HS3ST5: variants seen among roughly 807,000 people sequenced by gnomAD.
HS3ST5 encodes the protein heparan sulfate-glucosamine 3-sulfotransferase 5, also known as heparan sulfate glucosamine 3-O-sulfotransferase 5.
HS3ST5 carries 10 observed loss-of-function variants against 25.4 expected under a neutral mutation model. The ratio of observed to expected loss-of-function variants is 0.39; its 90% CI spans 0.24 to 0.67. The LOEUF (loss-of-function observed/expected upper bound fraction) is 0.67. Among genes scored for constraint, HS3ST5 ranks in the 30% least tolerant of loss-of-function variants. The pLI, the probability that HS3ST5 is intolerant of heterozygous loss-of-function variation, is 0.44. For missense variants in HS3ST5, 324 were observed against 420.7 expected (o/e 0.77, Z 2.01); for synonymous variants, 170 against 162.4 (o/e 1.05, Z -0.36).
chr6:114,156,220 A>T (rs1778691457), intron 3 of HS3ST5, among the ~76,000 whole-genome samples: 3 of 152,190 alleles, frequency 2.0e-5, no homozygotes, highest in African/African-American at 4.8e-5. Flanking sequence ...AAATTAACAA[A>T]AAATCTCCAA....
rs751313591 is a variant in HS3ST5 at position 114,058,103 on chromosome 6, A to G, written c.195T>C (p.Arg65=). 7 of 1,614,164 alleles carry G rather than the reference A, an allele frequency of 4.3e-6. No individual in the cohort carries two copies. The highest frequency in any genetic ancestry group is 5.9e-6 in the Non-Finnish European group (7 of 1,180,014). ...CCTTCCGGAACTCGTGCAGCAGGCC[A>G]CGCTTAAACTGCAGGGCGCGAAGTG... The part of the protein sequence containing the change: ...EFPLRALQFK[R]GLLHEFRKGN... Residue 65 remains arginine, a synonymous_variant, in exon 5 of 5, where the codon CGT becomes CGC. Transcript: ENST00000312719.
At chr6:114,134,075 A>C (rs1290908655) in intron 3 of HS3ST5, among the ~76,000 whole-genome samples, 1 of 152,146 alleles carries the variant, frequency 6.6e-6, no homozygotes, top group Non-Finnish European at 1.5e-5. Context: ...ATTTAAAACA[A>C]TTCAAGTTTG....
intron 3 of HS3ST5, among the ~76,000 whole-genome samples, chr6:114,074,732 T>C (rs950079891): frequency 6.6e-6 from 1 of 152,170 alleles, no homozygotes; most frequent in African/African-American, 2.4e-5. Context: ...TACTGAGATA[T>C]TATTCTTAAG....
In HS3ST5 at chr6:114,184,054, C is replaced by CTTTTT. The variant is rs34370810; in HGVS notation, c.-144-15597_-144-15593dup. On this transcript the variant is annotated intron_variant, in intron 2 of 4. Transcript: ENST00000312719. ...AGAAGATTTCTTTTCTTTTTCCTTT[C>CTTTTT]TTTTTTTTTTTTTTTTTTTTTTTTT... Among the ~76,000 whole-genome samples the CTTTTT allele has an allele frequency of 1.3e-3, 103 of 78,742 alleles. 1 individual carries two copies. Among genetic ancestry groups the CTTTTT allele is most frequent in the Non-Finnish European group, 1.6e-3 (73 of 44,678 alleles). The allele number at this position is 78,742 out of a possible 152,430, so 51.7% of individuals were successfully genotyped here. A position where few individuals can be genotyped will look rare whatever the true frequency, so the allele number is the denominator to read the frequency against.
intron 3 of HS3ST5, among the ~76,000 whole-genome samples, chr6:114,114,849 A>C (rs1392417098): frequency 3.3e-5 from 5 of 152,130 alleles, no homozygotes; most frequent in African/African-American, 4.8e-5. Context: ...AGTCATAGGA[A>C]AATGCACTCT....
chr6:114,272,870 A>T (rs1773693590), intron 1 of HS3ST5, among the ~76,000 whole-genome samples: 2 of 152,096 alleles, frequency 1.3e-5, no homozygotes, highest in South Asian at 4.1e-4. Flanking sequence ...CACAAAGTGG[A>T]CAGTGTCTGA....
At chr6:114,087,988 C>CA (rs1209823631) in intron 3 of HS3ST5, among the ~76,000 whole-genome samples, 1 of 151,986 alleles carries the variant, frequency 6.6e-6, no homozygotes, top group Non-Finnish European at 1.5e-5. Flanking sequence ...TTGAGATGTA[C>CA]CAAAAGTGTT....
intron 1 of HS3ST5, among the ~76,000 whole-genome samples, chr6:114,335,860 G>A (rs1179078634): frequency 6.6e-6 from 1 of 151,984 alleles, no homozygotes; most frequent in Non-Finnish European, 1.5e-5. Flanking sequence ...CACCATGTTG[G>A]CCAGGATGGT....
At chr6:114,193,780 C>T (rs1335185042) in intron 2 of HS3ST5, among the ~76,000 whole-genome samples, 1 of 141,304 alleles carries the variant, frequency 7.1e-6, no homozygotes, top group East Asian at 1.9e-4. Flanking sequence ...GAAATTTCCT[C>T]CACATGTGTC....
Position 114,202,079 on chromosome 6 carries a change from C to T in HS3ST5, c.-145+26506G>A, listed in dbSNP as rs548196712. Among the ~76,000 whole-genome samples, 38 of 152,142 alleles carry T rather than the reference C, an allele frequency of 2.5e-4. No homozygotes were observed. The South Asian group carries it at 7.9e-3, about 32-fold the overall frequency. On this transcript the variant is annotated intron_variant, in intron 2 of 4. Coordinates refer to ENST00000312719, the MANE Select transcript of HS3ST5 (RefSeq NM_153612.4). ...ACAGCCAAATCACATCAGAGGCTAT[C>T]TTGACCACCCTATTTAAAACTGCAA...
rs952778711 is a variant in HS3ST5, at chr6:114,291,988, G to A, written c.-339+50207C>T. ...AAAGAGCAAATCTCCATAGGACATAGACAGGAAAACTAGCTAATATGGTTT... is the reference window on the plus strand; with the variant it reads ...AAAGAGCAAATCTCCATAGGACATAAACAGGAAAACTAGCTAATATGGTTT... On this transcript the variant is annotated intron_variant, in intron 1 of 4. Coordinates refer to ENST00000312719, the MANE Select transcript of HS3ST5 (RefSeq NM_153612.4). 2.6e-5 allele frequency among the ~76,000 whole-genome samples: 4 copies of A among 152,150 alleles called. No homozygotes were observed. In the South Asian group the frequency reaches 8.3e-4, roughly 31 times the overall value.
chr6:114,086,872 A>G (rs1323806817), intron 3 of HS3ST5, among the ~76,000 whole-genome samples: 1 of 152,202 alleles, frequency 6.6e-6, no homozygotes, highest in African/African-American at 2.4e-5. Context: ...TGAGTTTGCT[A>G]TTGGCAAGCA....
intron 1 of HS3ST5, among the ~76,000 whole-genome samples, chr6:114,257,030 C>A (rs1036865747): frequency 1.3e-5 from 2 of 152,144 alleles, no homozygotes; most frequent in Non-Finnish European, 2.9e-5. Context: ...GGGGTTTCCC[C>A]CTTATAAAAC....
chr6:114,065,731 G>A (rs1773411102), intron 3 of HS3ST5, among the ~76,000 whole-genome samples: 1 of 152,186 alleles, frequency 6.6e-6, no homozygotes, highest in South Asian at 2.1e-4. Context: ...CTTGTCTGTG[G>A]CTGAGCTGCA....
intron 3 of HS3ST5, among the ~76,000 whole-genome samples, chr6:114,063,584 A>G (rs1204252780): frequency 6.6e-6 from 1 of 151,966 alleles, no homozygotes; most frequent in Non-Finnish European, 1.5e-5. Flanking sequence ...GCTCTGCTTC[A>G]GAATAACAAG....
At chr6:114,273,993 G>T (rs1276891796) in intron 1 of HS3ST5, among the ~76,000 whole-genome samples, 1 of 152,048 alleles carries the variant, frequency 6.6e-6, no homozygotes, top group Non-Finnish European at 1.5e-5. Flanking sequence ...ATGTGGGAAA[G>T]ATCTAGTAGA....
intron 1 of HS3ST5, among the ~76,000 whole-genome samples, chr6:114,240,885 G>C (rs1772082536): frequency 6.6e-6 from 1 of 152,146 alleles, no homozygotes; most frequent in Admixed American, 6.5e-5. Context: ...TGGGTTCGCT[G>C]ACAGTGTTAT....
At chr6:114,292,285 A>G (rs531436059) in intron 1 of HS3ST5, among the ~76,000 whole-genome samples, 2 of 152,144 alleles carry the variant, frequency 1.3e-5, no homozygotes, top group Non-Finnish European at 2.9e-5. Context: ...TAGGATCAAG[A>G]CTGTGGCGTC....
intron 1 of HS3ST5, among the ~76,000 whole-genome samples, chr6:114,272,119 C>T (rs960949256): frequency 1.3e-5 from 2 of 152,108 alleles, no homozygotes; most frequent in African/African-American, 4.8e-5. Flanking sequence ...CTAAATCCTA[C>T]TTCTGGGTCA....
Sources: gnomAD v4.1 joint callset for allele counts (sites outside exome capture counted in the v4.1 genomes callset) on GRCh38, gnomAD v4.1.1 for gene constraint, MANE v1.5 for transcripts, NCBI Gene and HGNC (gene_info 2026-07-23, HGNC 2026-07-21) for gene names.